The following ZNF789 variants were observed in gnomAD, a reference collection of about 807,000 sequenced individuals.
ZNF789 encodes zinc finger protein 789.
A neutral mutation model predicts 15.6 loss-of-function variants in ZNF789; 11 were observed. That is an observed-to-expected ratio of 0.70 (90% CI 0.44 to 1.16). The LOEUF (loss-of-function observed/expected upper bound fraction) is 1.16. Among genes scored for constraint, ZNF789 ranks in the 50% most tolerant of loss-of-function variants. ZNF789 has a pLI of 0.00. For missense variants in ZNF789, 461 were observed against 512.6 expected, an observed-to-expected ratio of 0.90 and a Z score of 0.97; for synonymous variants, 159 against 176.0, an observed-to-expected ratio of 0.90 and a Z score of 0.76.
intron 1 of ZNF789, among the ~76,000 whole-genome samples, chr7:99,474,075 G>A (rs1799167591): frequency 6.6e-6 from 1 of 152,146 alleles, no homozygotes; most frequent in South Asian, 2.1e-4. Context: ...GCCTAGGGCC[G>A]TACCCAAAAC....
chr7:99,483,987 T>A lies in ZNF789; in HGVS notation c.152-43T>A, dbSNP rs1799776846. 5.2e-6 allele frequency: 8 copies of A among 1,540,420 alleles called. No homozygotes were observed. The East Asian group carries it at 1.8e-4, about 35-fold the overall frequency. On this transcript the variant is annotated intron_variant, in intron 3 of 4. Coordinates refer to ENST00000331410, the MANE Select transcript of ZNF789 (RefSeq NM_213603.3). ...CACTGAGCCCCGGGCCATGTCTCTGTAACTCACTAACGGCCACATCCCATT... is the reference window on the plus strand; with the variant it reads ...CACTGAGCCCCGGGCCATGTCTCTGAAACTCACTAACGGCCACATCCCATT...
intron 4 of ZNF789, among the ~76,000 whole-genome samples, chr7:99,484,353 C>T (rs1799802565): frequency 1.3e-5 from 2 of 152,280 alleles, no homozygotes; most frequent in South Asian, 2.1e-4. Context: ...TGGCTGGACG[C>T]GGTGGCGCAT....
rs1008597176 is a variant in ZNF789 at position 99,484,070 on chromosome 7, G to T, written c.192G>T (p.Glu64Asp). 6.2e-7 allele frequency: 1 copy of T among 1,614,134 alleles called. No homozygotes were observed. Among genetic ancestry groups the T allele is most frequent in the Non-Finnish European group, 8.5e-7 (1 of 1,180,030 alleles). Reference sequence around the variant, plus strand: ...AACCTGAGATGATCTGTCAGCTGGAGAACTGGGACGAGCAGTGGATCCTGG... The same window carrying T: ...AACCTGAGATGATCTGTCAGCTGGATAACTGGGACGAGCAGTGGATCCTGG... ...FPKPEMICQL[E>D]NWDEQWILDL... Residue 64 changes from glutamate (E) to aspartate (D), a missense_variant, in exon 4 of 5, where the codon GAG (glutamate) becomes GAT (aspartate). Physicochemically the swap from Glu to Asp is conservative, Grantham distance 45. Transcript: ENST00000331410.
intron 1 of ZNF789, among the ~76,000 whole-genome samples, chr7:99,475,557 T>G (rs1161880110): frequency 6.6e-6 from 1 of 152,084 alleles, no homozygotes; most frequent in African/African-American, 2.4e-5. Flanking sequence ...AATACGTAAG[T>G]AGATTTAGAG....
intron 3 of ZNF789, chr7:99,483,779 G>A (rs144889159): frequency 6.4e-6 from 5 of 780,834 alleles, no homozygotes; most frequent in Admixed American, 5.1e-5. Flanking sequence ...TGTGCTGAAC[G>A]TCTCTGGCAC....
Position 99,482,117 on chromosome 7 carries a change from C to T in ZNF789, c.152-1913C>T, listed in dbSNP as rs186643197. The T allele has an allele frequency of 1.1e-4, 89 of 779,748 alleles. 1 individual carries two copies. Among genetic ancestry groups the T allele is most frequent in the Non-Finnish European group, 1.9e-4 (81 of 418,050 alleles). 48.3% of individuals were successfully genotyped at this position (779,748 alleles called of 1,614,324 possible). A position where few individuals can be genotyped will look rare whatever the true frequency, so the allele number is the denominator to read the frequency against. ...TTTCATATACACCTTAGACATGTAG[C>T]TTCTTCAAGCTACGCTTGATTTAAT... is the stretch of plus-strand genomic sequence containing the variant. On this transcript the variant is annotated intron_variant, in intron 3 of 4. Transcript: ENST00000331410.
rs1274052410 is a variant in ZNF789, at chr7:99,487,276, C to G, written c.1066C>G (p.Leu356Val). The G allele has an allele frequency of 1.2e-6, 2 of 1,614,186 alleles. No individual in the cohort carries two copies. The highest frequency in any genetic ancestry group is 1.7e-6 in the Non-Finnish European group (2 of 1,180,038). ...CGQSFGRNVD[L>V]IQHQRIHTKE... ...ACAGTCCTTTGGTAGGAATGTGGAT[C>G]TCATTCAGCATCAAAGAATCCATAC... The change falls in exon 5 of 5, where the codon CTC becomes GTC. Residue 356 changes from leucine to valine, a missense_variant. Physicochemically the swap from Leu to Val is conservative, Grantham distance 32 (BLOSUM62 1). Transcript: ENST00000331410.
chr7:99,479,774 C>T lies in ZNF789; in HGVS notation c.138C>T (p.Asn46=). ...ATGTGATGTTGGAGAACTACAGGAA[C>T]ATGGTCTTGCTGGGTAGGACACGGC... ...YRDVMLENYR[N]MVLLGFQFPK... The change falls in exon 3 of 5, where the codon AAC becomes AAT. Residue 46 remains asparagine (N), a synonymous_variant. Coordinates refer to ENST00000331410, the MANE Select transcript of ZNF789 (RefSeq NM_213603.3). 1 of 1,613,518 alleles carries T rather than the reference C, an allele frequency of 6.2e-7. No individual in the cohort carries two copies. Among genetic ancestry groups the T allele is most frequent in the Non-Finnish European group, 8.5e-7 (1 of 1,179,728 alleles).
intron 1 of ZNF789, among the ~76,000 whole-genome samples, chr7:99,473,748 G>A (rs1799148961): frequency 6.6e-6 from 1 of 152,212 alleles, no homozygotes; most frequent in African/African-American, 2.4e-5. Context: ...AGCCTCTCGA[G>A]TAGCGGGGAC....
intron 3 of ZNF789, chr7:99,480,643 T>C (rs1250899683): frequency 6.6e-6 from 1 of 152,256 alleles, no homozygotes; most frequent in Non-Finnish European, 1.5e-5. Flanking sequence ...TCTTATGCTC[T>C]TGAAAGTCTT....
chr7:99,476,118 T>C, intron 1 of ZNF789: 1 of 266,292 alleles, frequency 3.8e-6, no homozygotes, highest in Non-Finnish European at 7.2e-6. Context: ...GCTATGTTTA[T>C]ATGTGGTCTA....
chr7:99,486,009 A>G (rs1263589622), intron 4 of ZNF789, among the ~76,000 whole-genome samples: 1 of 152,066 alleles, frequency 6.6e-6, no homozygotes, highest in Non-Finnish European at 1.5e-5. Flanking sequence ...TATGAAAGTG[A>G]AGAGTCCAAT....
At position 99,484,130 on chromosome 7, in the gene ZNF789, T is replaced by G; in HGVS notation, c.252T>G (p.Gly84=). The G allele has an allele frequency of 1.2e-6, 2 of 1,612,438 alleles. No homozygotes were observed. The highest frequency in any genetic ancestry group is 1.7e-4 in the Middle Eastern group (1 of 6,060). ...LPRTGNRKAS[G]SACPGSEARH... Reference sequence around the variant, plus strand: ...GAACTGGGAATAGGAAGGCTTCCGGTAGTGCTTGCCCAGGTGGGTGAGGAA... The same window carrying G: ...GAACTGGGAATAGGAAGGCTTCCGGGAGTGCTTGCCCAGGTGGGTGAGGAA... Residue 84 remains glycine (G), a synonymous_variant, in exon 4 of 5, where the codon GGT becomes GGG. Coordinates refer to ENST00000331410, the MANE Select transcript of ZNF789 (RefSeq NM_213603.3).
rs749539581 is a variant in ZNF789, at chr7:99,487,019, CG to C, written c.810del (p.Tyr271IlefsTer35). The stretch of plus-strand genomic sequence containing the variant: ...TGTGGAAAGTGTTTTCGGCAGCTCG[CG>C]TATCTTGTTGAACATAAGAGGATTC... ...HDCGKCFRQLAYLVEHKRIHT... is the reference protein window; with the variant it reads ...HDCGKCFRQLXYLVEHKRIHT... On this transcript the variant is annotated frameshift_variant, in exon 5 of 5. Coordinates refer to ENST00000331410, the MANE Select transcript of ZNF789 (RefSeq NM_213603.3). LOFTEE classifies it low-confidence loss of function (END_TRUNC). The C allele has an allele frequency of 6.8e-6, 11 of 1,613,900 alleles. No individual in the cohort carries two copies. The highest frequency in any genetic ancestry group is 1.3e-5 in the African/African-American group (1 of 74,904).
intron 3 of ZNF789, among the ~76,000 whole-genome samples, chr7:99,482,516 T>TAC (rs1010884375): frequency 1.3e-5 from 2 of 152,022 alleles, no homozygotes; most frequent in African/African-American, 2.4e-5. Context: ...TAATTACTTA[T>TAC]ACACACACAC....
intron 1 of ZNF789, among the ~76,000 whole-genome samples, chr7:99,474,420 C>G (rs974833438): frequency 6.6e-6 from 1 of 152,106 alleles, no homozygotes; most frequent in African/African-American, 2.4e-5. Flanking sequence ...CGGTGAAACC[C>G]CGTCTCTACT....
intron 1 of ZNF789, among the ~76,000 whole-genome samples, chr7:99,475,271 G>T (rs1031462767): frequency 3.3e-5 from 5 of 151,942 alleles, no homozygotes; most frequent in African/African-American, 1.2e-4. Context: ...GCGGGTGCCT[G>T]TAATCCCAGC....
Position 99,487,103 on chromosome 7 carries a change from C to T in ZNF789, c.893C>T (p.Ser298Leu). Residue 298 changes from serine to leucine, a missense_variant, in exon 5 of 5, where the codon TCA becomes TTA. Coordinates refer to ENST00000331410, the MANE Select transcript of ZNF789 (RefSeq NM_213603.3). ...TGTGAAAAAACGTTTAGTCAGAATT[C>T]AACCCTTATTCGACATCAGGTGATC... ...SKCEKTFSQN[S>L]TLIRHQVIHS... 1 of 1,614,124 alleles carries T rather than the reference C, an allele frequency of 6.2e-7. No homozygotes were observed. The highest frequency in any genetic ancestry group is 8.5e-7 in the Non-Finnish European group (1 of 1,180,036).
rs918583579 is a variant in ZNF789 at position 99,486,732 on chromosome 7, A to G, written c.522A>G (p.Arg174=). ...CGCAAACAAGGTGGAAGCAGGGCAG[A>G]TATGATGAGGATGGCAAACCCTTCA... is the stretch of plus-strand genomic sequence containing the variant. ...QNAQTRWKQG[R]YDEDGKPFNQ... The change falls in exon 5 of 5, where the codon AGA becomes AGG. Residue 174 remains arginine (R), a synonymous_variant. Coordinates refer to ENST00000331410, the MANE Select transcript of ZNF789 (RefSeq NM_213603.3). The G allele has an allele frequency of 2.5e-6, 4 of 1,614,256 alleles. No homozygotes were observed. Among genetic ancestry groups the G allele is most frequent in the Non-Finnish European group, 3.4e-6 (4 of 1,180,050 alleles).
Sources: allele counts gnomAD v4.1 joint callset (sites outside exome capture counted in the v4.1 genomes callset), GRCh38; gene constraint gnomAD v4.1.1; transcripts MANE v1.5; gene names NCBI Gene and HGNC (gene_info 2026-07-23, HGNC 2026-07-21).